NCAM2: variants seen among roughly 807,000 people sequenced by gnomAD.
NCAM2 encodes the protein neural cell adhesion molecule 2.
A neutral mutation model predicts 98.1 loss-of-function variants in NCAM2; 30 were observed. That is an observed-to-expected ratio of 0.31 (90% CI 0.23 to 0.41). NCAM2 has a LOEUF of 0.41. Ranked by LOEUF, NCAM2 falls within the 10% of genes least tolerant of loss-of-function variation. NCAM2 has a pLI of 1.00. For missense variants in NCAM2, 867 were observed against 1,005.8 expected (o/e 0.86, Z 1.87); for synonymous variants, 368 against 342.4 (o/e 1.07, Z -0.83).
intron 16 of NCAM2, among the ~76,000 whole-genome samples, chr21:21,519,410 T>C (rs910897406): frequency 1.3e-5 from 2 of 152,078 alleles, no homozygotes; most frequent in Admixed American, 1.3e-4. Context: ...TAAGAGTGAG[T>C]ATATTTCAGA....
chr21:21,466,797 T>C lies in NCAM2; in HGVS notation c.1774+72T>C, dbSNP rs556136406. ...CTTGCAAATTTAATAGATTTTAAAA[T>C]GTAGGGAGATGTTTCAACACTTTTG... On this transcript the variant is annotated intron_variant, in intron 13 of 17. Coordinates refer to ENST00000400546, the MANE Select transcript of NCAM2 (RefSeq NM_004540.5). 4.2e-6 allele frequency: 6 copies of C among 1,440,622 alleles called. No homozygotes were observed. In the African/African-American group the frequency reaches 7.3e-5, roughly 17 times the overall value. 89.2% of individuals were successfully genotyped at this position (1,440,622 alleles called of 1,614,324 possible). A position where few individuals can be genotyped will look rare whatever the true frequency, so the allele number is the denominator to read the frequency against.
intron 11 of NCAM2, among the ~76,000 whole-genome samples, chr21:21,424,529 A>T (rs559907456): frequency 6.6e-6 from 1 of 152,282 alleles, no homozygotes; most frequent in African/African-American, 2.4e-5. Context: ...TGAAAGAGGG[A>T]GTAGAAACAG....
At chr21:21,109,853 C>T (rs1273865778) in intron 1 of NCAM2, among the ~76,000 whole-genome samples, 1 of 152,132 alleles carries the variant, frequency 6.6e-6, no homozygotes, top group African/African-American at 2.4e-5. Context: ...AAGATAAGAA[C>T]CTTTAACAGA....
At chr21:21,427,805 C>T (rs1176096534) in intron 11 of NCAM2, among the ~76,000 whole-genome samples, 1 of 152,266 alleles carries the variant, frequency 6.6e-6, no homozygotes, top group East Asian at 1.9e-4. Context: ...TTGACTAAAA[C>T]ATTGATACAT....
chr21:21,020,726 C>T (rs954089735), intron 1 of NCAM2, among the ~76,000 whole-genome samples: 1 of 152,058 alleles, frequency 6.6e-6, no homozygotes, highest in African/African-American at 2.4e-5. Flanking sequence ...CCAGCTAGTT[C>T]GGTAACAATA....
intron 6 of NCAM2, among the ~76,000 whole-genome samples, chr21:21,326,346 C>A (rs1261635325): frequency 6.6e-6 from 1 of 152,126 alleles, no homozygotes; most frequent in Non-Finnish European, 1.5e-5. Context: ...CTCATTAGTC[C>A]CATCTTTAGG....
chr21:21,449,320 G>A (rs540928672), intron 12 of NCAM2, among the ~76,000 whole-genome samples: 95 of 151,752 alleles, frequency 6.3e-4, no homozygotes, highest in Non-Finnish European at 9.3e-4. Context: ...GTGTTTTATA[G>A]GAGTTTAATC....
intron 6 of NCAM2, among the ~76,000 whole-genome samples, chr21:21,334,357 G>C (rs2074798011): frequency 6.6e-6 from 1 of 152,152 alleles, no homozygotes; most frequent in Admixed American, 6.6e-5. Flanking sequence ...ATTGAGTATA[G>C]ACATATAAAG....
At chr21:21,349,734 T>A (rs978194110) in intron 8 of NCAM2, among the ~76,000 whole-genome samples, 2 of 152,172 alleles carry the variant, frequency 1.3e-5, no homozygotes, top group African/African-American at 4.8e-5. Flanking sequence ...TGGGTACTAT[T>A]CAGCCCTAAA....
At chr21:21,291,364 A>C (rs1335842670) in intron 4 of NCAM2, among the ~76,000 whole-genome samples, 1 of 151,904 alleles carries the variant, frequency 6.6e-6, no homozygotes. Flanking sequence ...GGCAGACACA[A>C]AAAATAATGC....
At chr21:21,354,140 C>T (rs957111406) in intron 8 of NCAM2, among the ~76,000 whole-genome samples, 1 of 152,074 alleles carries the variant, frequency 6.6e-6, no homozygotes, top group African/African-American at 2.4e-5. Context: ...TAGCAGATGA[C>T]ATCTCCCTTG....
intron 6 of NCAM2, among the ~76,000 whole-genome samples, chr21:21,324,750 A>G (rs1201246114): frequency 6.6e-6 from 1 of 152,134 alleles, no homozygotes; most frequent in East Asian, 1.9e-4. Flanking sequence ...GTAAAAGCAG[A>G]CTTTTGGAAA....
chr21:21,392,401 G>A (rs138926581), intron 9 of NCAM2, among the ~76,000 whole-genome samples: 1,915 of 152,264 alleles, frequency 0.013, 43 homozygotes, highest in African/African-American at 0.044. Context: ...GAATAGTGCT[G>A]CAGTGAACAT....
chr21:21,265,514 TAC>T (rs1464693834), intron 1 of NCAM2, among the ~76,000 whole-genome samples: 1 of 144,476 alleles, frequency 6.9e-6, no homozygotes, highest in East Asian at 2.1e-4. Flanking sequence ...TGTGTATATA[TAC>T]ACATACACAC....
At chr21:21,320,380 A>C (rs2074346171) in intron 5 of NCAM2, among the ~76,000 whole-genome samples, 1 of 152,074 alleles carries the variant, frequency 6.6e-6, no homozygotes, top group African/African-American at 2.4e-5. Context: ...TATGCCCATC[A>C]TTTTATACTT....
Position 21,336,796 on chromosome 21 carries a change from A to T in NCAM2, c.898+1131A>T, listed in dbSNP as rs963400681. Among the ~76,000 whole-genome samples the T allele has an allele frequency of 1.8e-4, 27 of 152,358 alleles. No homozygotes were observed. In the South Asian group the frequency reaches 2.3e-3, roughly 13 times the overall value. The stretch of plus-strand genomic sequence containing the variant: ...GTATTAAAATAAAAAATACAATTTT[A>T]AAAGTAGAGATGTTTTGAGAAAGAA... On this transcript the variant is annotated intron_variant, in intron 7 of 17. Transcript: ENST00000400546.
At chr21:21,395,809 C>T (rs1274128158) in intron 9 of NCAM2, among the ~76,000 whole-genome samples, 1 of 151,984 alleles carries the variant, frequency 6.6e-6, no homozygotes, top group Non-Finnish European at 1.5e-5. Flanking sequence ...TGGCAAGCCA[C>T]AAGTAGAAGA....
intron 9 of NCAM2, among the ~76,000 whole-genome samples, chr21:21,401,045 C>A (rs993834579): frequency 6.6e-6 from 1 of 152,118 alleles, no homozygotes; most frequent in Non-Finnish European, 1.5e-5. Context: ...AAAGCAGAAA[C>A]TCAAGGTCAC....
intron 11 of NCAM2, 107 bp downstream of exon 11, chr21:21,418,676 G>A (rs1194693938): frequency 2.4e-6 from 2 of 818,496 alleles, no homozygotes; most frequent in Non-Finnish European, 4.2e-6. Flanking sequence ...TTAAAACAAT[G>A]GATCTCTTGG....
Sources: allele counts gnomAD v4.1 joint callset (sites outside exome capture counted in the v4.1 genomes callset), GRCh38; gene constraint gnomAD v4.1.1; transcripts MANE v1.5; gene names NCBI Gene and HGNC (gene_info 2026-07-23, HGNC 2026-07-21).